The following FCGRT variants were observed in gnomAD, a reference collection of about 807,000 sequenced individuals.
FCGRT encodes the protein Fc gamma receptor and transporter.
In FCGRT, 13 loss-of-function variants were observed where a neutral mutation model predicts 35.7. The observed-to-expected ratio is 0.36, with a 90% CI of 0.24 to 0.58. The LOEUF is 0.58. FCGRT is among the 20% of genes least tolerant of loss of function. FCGRT has a pLI of 0.77. For missense variants in FCGRT, 455 were observed against 474.9 expected (o/e 0.96, Z 0.39); for synonymous variants, 233 against 216.5 (o/e 1.08, Z -0.67).
chr19:49,513,296 C>T, intron 1 of FCGRT, 91 bp from the exon 2 acceptor site: 1 of 520,400 alleles, frequency 1.9e-6, no homozygotes, highest in Non-Finnish European at 3.0e-6. Context: ...AGCCCCTCCT[C>T]GGCGTCCTGG....
chr19:49,513,476 G>A lies in FCGRT; in HGVS notation c.73+3G>A. The A allele has an allele frequency of 8.0e-7, 1 of 1,244,462 alleles. No individual in the cohort carries two copies. Among genetic ancestry groups the A allele is most frequent in the Middle Eastern group, 3.1e-4 (1 of 3,248 alleles). 77.1% of individuals were successfully genotyped at this position (1,244,462 alleles called of 1,614,324 possible). On this transcript the variant is annotated splice_donor_region_variant and intron_variant, in intron 2 of 6. Transcript: ENST00000221466. ...CCTTCCTGGGAGCCTGGGCGCAGGT[G>A]AGGGCCGCTCCGGGCCAGGGCCCTG...
chr19:49,517,353 C>T (rs535048026), intron 4 of FCGRT, among the ~76,000 whole-genome samples: 1 of 151,926 alleles, frequency 6.6e-6, no homozygotes, highest in South Asian at 2.1e-4. Context: ...TAGCCGGGTG[C>T]GGTGGTGGGT....
chr19:49,524,745 G>C lies in FCGRT; in HGVS notation c.840G>C (p.Ala280=). Residue 280 remains alanine (A), a synonymous_variant, in exon 5 of 7, where the codon GCG becomes GCC. Transcript: ENST00000221466. ...EHHYCCIVQH[A]GLAQPLRVEL... ...ACTACTGCTGCATTGTGCAGCACGC[G>C]GGGCTGGCGCAGCCCCTCAGGGTGG... The C allele has an allele frequency of 6.2e-7, 1 of 1,601,188 alleles. No homozygotes were observed. The highest frequency in any genetic ancestry group is 8.5e-7 in the Non-Finnish European group (1 of 1,179,832).
Position 49,514,361 on chromosome 19 carries a change from C to T in FCGRT, c.476C>T (p.Ala159Val). The T allele has an allele frequency of 6.2e-7, 1 of 1,613,256 alleles. No individual in the cohort carries two copies. The highest frequency in any genetic ancestry group is 1.1e-5 in the South Asian group (1 of 90,936). The stretch of plus-strand genomic sequence containing the variant: ...GGTGGGGACTGGCCCGAGGCCCTGG[C>T]TATCAGTCAGCGGTGGCAGCAGCAG... ...TWGGDWPEAL[A>V]ISQRWQQQDK... The change falls in exon 4 of 7, where the codon GCT becomes GTT. Residue 159 changes from alanine to valine, a missense_variant. Ala to Val is a moderately conservative substitution (Grantham distance 64). Transcript: ENST00000221466.
intron 4 of FCGRT, chr19:49,521,136 G>A (rs577191273): frequency 6.6e-6 from 1 of 152,370 alleles, no homozygotes; most frequent in South Asian, 2.1e-4. Flanking sequence ...ATAGCGCCAT[G>A]TAGCCTTGGA....
At position 49,513,730 on chromosome 19, in the gene FCGRT, G is replaced by C. The variant is rs1331199643; in HGVS notation, c.74-152G>C. ...GGGTCTCTTGTCTCTCTCTCTCTGG[G>C]TCTCTGTCCCCCCCCCCCCGGGTTT... On this transcript the variant is annotated intron_variant, in intron 2 of 6. Transcript: ENST00000221466. 5.0e-4 allele frequency: 262 copies of C among 527,158 alleles called. 1 individual carries two copies. In the African/African-American group the frequency reaches 6.3e-3, roughly 13 times the overall value. 32.7% of individuals were successfully genotyped at this position (527,158 alleles called of 1,614,324 possible).
chr19:49,517,561 G>GAAGGAAGC (rs2080015516), intron 4 of FCGRT, among the ~76,000 whole-genome samples: 1 of 151,188 alleles, frequency 6.6e-6, no homozygotes, highest in African/African-American at 2.4e-5. Flanking sequence ...AGGAAGGAAG[G>GAAGGAAGC]AAGCGAGCAT....
rs1159690332 is a variant in FCGRT at position 49,514,403 on chromosome 19, A to G, written c.518A>G (p.Lys173Arg). 1.9e-6 allele frequency: 3 copies of G among 1,607,032 alleles called. No homozygotes were observed. Among genetic ancestry groups the G allele is most frequent in the East Asian group, 2.2e-5 (1 of 44,690 alleles). ...RWQQQDKAAN[K>R]ELTFLLFSCP... Reference sequence around the variant, plus strand: ...CAGCAGCAGGACAAGGCGGCCAACAAGGAGCTCACCTTCCTGCTATTCTCC... The same window carrying G: ...CAGCAGCAGGACAAGGCGGCCAACAGGGAGCTCACCTTCCTGCTATTCTCC... The change falls in exon 4 of 7, where the codon AAG (lysine) becomes AGG (arginine). Residue 173 changes from lysine to arginine, a missense_variant. Physicochemically the swap from Lys to Arg is conservative, Grantham distance 26. Around this residue, in one of 3 missense-constraint regions of FCGRT, gnomAD observed 312 missense variants for 296.1 expected, o/e 1.05. Transcript: ENST00000221466.
At chr19:49,524,346 C>T (rs935897986) in intron 4 of FCGRT, among the ~76,000 whole-genome samples, 161 bp from the exon 5 acceptor site, 3 of 152,168 alleles carry the variant, frequency 2.0e-5, no homozygotes, top group African/African-American at 7.2e-5. Context: ...TCGGGGTGGA[C>T]AGGTTGAGTC....
intron 4 of FCGRT, chr19:49,521,696 C>CACTT (rs1964568660): frequency 6.8e-6 from 1 of 146,774 alleles, no homozygotes; most frequent in African/African-American, 2.5e-5. Context: ...TTGAGACAGG[C>CACTT]ACTTGCACTG....
At position 49,513,661 on chromosome 19, in the gene FCGRT, C is replaced by T. The variant is rs765980894; in HGVS notation, c.73+188C>T. On this transcript the variant is annotated intron_variant, in intron 2 of 6. Transcript: ENST00000221466. The stretch of plus-strand genomic sequence containing the variant: ...GGGAACCACCTGTCGCCTCTTGTGT[C>T]TGTTTCCCTCTCTCTCTCTGGGTCT... 1.3e-3 allele frequency: 628 copies of T among 472,950 alleles called. 1 individual carries two copies. Among genetic ancestry groups the T allele is most frequent in the Non-Finnish European group, 1.7e-3 (468 of 277,938 alleles). 29.3% of individuals were successfully genotyped at this position (472,950 alleles called of 1,614,324 possible).
At chr19:49,520,886 C>G (rs552412999) in intron 4 of FCGRT, 1 of 152,384 alleles carries the variant, frequency 6.6e-6, no homozygotes, top group South Asian at 2.1e-4. Flanking sequence ...GCCAGAGAGG[C>G]AGCTCCAGGA....
At chr19:49,515,776 A>C (rs984099986) in intron 4 of FCGRT, among the ~76,000 whole-genome samples, 6 of 152,062 alleles carry the variant, frequency 3.9e-5, no homozygotes, top group Admixed American at 3.9e-4. Context: ...ACTTGTCTCT[A>C]CGCAGCCATC....
chr19:49,515,868 T>C (rs552201034), intron 4 of FCGRT, among the ~76,000 whole-genome samples: 1 of 152,296 alleles, frequency 6.6e-6, no homozygotes, highest in South Asian at 2.1e-4. Flanking sequence ...GGCACCTCTC[T>C]GTTCCACCCT....
At chr19:49,521,980 C>G (rs1020746780) in intron 4 of FCGRT, among the ~76,000 whole-genome samples, 3 of 151,602 alleles carry the variant, frequency 2.0e-5, no homozygotes, top group African/African-American at 7.3e-5. Context: ...TTTTTTCATT[C>G]CCTTAACGAA....
At chr19:49,525,665 G>C (rs1420595042) in intron 6 of FCGRT, 92 bp downstream of exon 6, 1 of 862,802 alleles carries the variant, frequency 1.2e-6, no homozygotes, top group Middle Eastern at 3.4e-4. Flanking sequence ...ACCCAGAGAG[G>C]GGGGACAGAG....
chr19:49,514,050 C>T lies in FCGRT; in HGVS notation c.242C>T (p.Ser81Phe), dbSNP rs779188731. The T allele has an allele frequency of 1.2e-6, 2 of 1,611,668 alleles. No individual in the cohort carries two copies. The highest frequency in any genetic ancestry group is 2.2e-5 in the East Asian group (1 of 44,854). Residue 81 changes from serine to phenylalanine, a missense_variant, in exon 3 of 7, where the codon TCC becomes TTC. Coordinates refer to ENST00000221466, the MANE Select transcript of FCGRT (RefSeq NM_001136019.3). ...GCTTGGGTCTGGGAAAACCAGGTGT[C>T]CTGGTATTGGGAGAAAGAGACCACA... is the stretch of plus-strand genomic sequence containing the variant. ...CGAWVWENQV[S>F]WYWEKETTDL...
At position 49,524,706 on chromosome 19, in the gene FCGRT, T is replaced by C; in HGVS notation, c.801T>C (p.Ser267=). 6.2e-7 allele frequency: 1 copy of C among 1,602,922 alleles called. No individual in the cohort carries two copies. The highest frequency in any genetic ancestry group is 8.5e-7 in the Non-Finnish European group (1 of 1,179,944). The stretch of plus-strand genomic sequence containing the variant: ...CCTCGTCGTCACTAACAGTCAAAAG[T>C]GGCGATGAGCACCACTACTGCTGCA... ...FHASSSLTVK[S]GDEHHYCCIV... The change falls in exon 5 of 7, where the codon AGT becomes AGC. Residue 267 remains serine, a synonymous_variant. Coordinates refer to ENST00000221466, the MANE Select transcript of FCGRT (RefSeq NM_001136019.3).
At chr19:49,523,909 T>G (rs2080057168) in intron 4 of FCGRT, among the ~76,000 whole-genome samples, 1 of 152,010 alleles carries the variant, frequency 6.6e-6, no homozygotes, top group Non-Finnish European at 1.5e-5. Flanking sequence ...ACGTTTTAAA[T>G]TTCCTCTTGT....
Sources: gnomAD v4.1 joint callset for allele counts (sites outside exome capture counted in the v4.1 genomes callset) on GRCh38, gnomAD v4.1.1 for gene constraint, gnomAD v4.1.1 regional missense constraint, MANE v1.5 for transcripts, NCBI Gene and HGNC (gene_info 2026-07-23, HGNC 2026-07-21) for gene names.